PFKL: variants seen among roughly 807,000 people sequenced by gnomAD.
PFKL encodes the protein ATP-dependent 6-phosphofructokinase, liver type.
A neutral mutation model predicts 92.1 loss-of-function variants in PFKL; 74 were observed. The observed-to-expected ratio is 0.80, with a 90% CI of 0.67 to 0.97. PFKL has a LOEUF of 0.97. Among genes scored for constraint, PFKL ranks in the 50% least tolerant of loss-of-function variants. The pLI is 0.00. For synonymous variants in PFKL, 494 were observed against 456.4 expected, an observed-to-expected ratio of 1.08 and a Z score of -1.05; for missense variants, 1,028 against 1,116.6, an observed-to-expected ratio of 0.92 and a Z score of 1.13.
chr21:44,322,805 C>T (rs2047391458), intron 14 of PFKL, among the ~76,000 whole-genome samples, 157 bp from the exon 15 acceptor site: 1 of 152,174 alleles, frequency 6.6e-6, no homozygotes, highest in Non-Finnish European at 1.5e-5. Context: ...CCTGTGTGTC[C>T]CTCTCCGTGT....
intron 10 of PFKL, among the ~76,000 whole-genome samples, chr21:44,318,857 G>A (rs550123020): frequency 3.9e-5 from 6 of 152,328 alleles, no homozygotes; most frequent in African/African-American, 7.2e-5. Flanking sequence ...AGGGGTCCAC[G>A]GCCACTGAGC....
At position 44,311,091 on chromosome 21, in the gene PFKL, C is replaced by T. The variant is rs756196116; in HGVS notation, c.237+8C>T. ...TCCAACATCATCCAGCTGGTGAGGC[C>T]TGGGAACGCGGATGCATGTTGCACT... On this transcript the variant is annotated splice_region_variant and intron_variant, in intron 3 of 21. Coordinates refer to ENST00000349048, the MANE Select transcript of PFKL (RefSeq NM_002626.6). 1 of 1,610,890 alleles carries T rather than the reference C, an allele frequency of 6.2e-7. No homozygotes were observed. The highest frequency in any genetic ancestry group is 8.5e-7 in the Non-Finnish European group (1 of 1,178,088).
chr21:44,326,704 G>A lies in PFKL; in HGVS notation c.2196-11G>A, dbSNP rs775481690. The A allele has an allele frequency of 6.2e-6, 10 of 1,610,934 alleles. No individual in the cohort carries two copies. Among genetic ancestry groups the A allele is most frequent in the Admixed American group, 5.0e-5 (3 of 59,932 alleles). The stretch of plus-strand genomic sequence containing the variant: ...GACTCCCCATCATCCTCCCATCCCC[G>A]TCCTGCACAGGCACCGCATGCCACG... On this transcript the variant is annotated splice_polypyrimidine_tract_variant and intron_variant, in intron 21 of 21. Transcript: ENST00000349048.
intron 10 of PFKL, 23 bp from the exon 11 acceptor site, chr21:44,319,328 G>C (rs544614993): frequency 6.2e-7 from 1 of 1,608,010 alleles, no homozygotes; most frequent in Admixed American, 1.7e-5. Context: ...TCCATAGTCT[G>C]TGTTCTGTTT....
At position 44,313,028 on chromosome 21, in the gene PFKL, G is replaced by A. The variant is rs2047094399; in HGVS notation, c.478G>A (p.Gly160Ser). Residue 160 changes from glycine (G) to serine (S), a missense_variant, in exon 5 of 22, where the codon GGC (glycine) becomes AGC (serine). Gly to Ser is a moderately conservative substitution (Grantham distance 56). Coordinates refer to ENST00000349048, the MANE Select transcript of PFKL (RefSeq NM_002626.6). ...GACCTACTCGCACCTGAACATCGCGGGCCTAGTGGGCTCCATCGATAACGA... is the reference window on the plus strand; with the variant it reads ...GACCTACTCGCACCTGAACATCGCGAGCCTAGTGGGCTCCATCGATAACGA... ...ARTYSHLNIA[G>S]LVGSIDNDFC... 6.2e-7 allele frequency: 1 copy of A among 1,613,170 alleles called. No individual in the cohort carries two copies. The highest frequency in any genetic ancestry group is 8.5e-7 in the Non-Finnish European group (1 of 1,179,924).
chr21:44,323,054 G>C lies in PFKL; in HGVS notation c.1497+5G>C. The C allele has an allele frequency of 6.2e-7, 1 of 1,603,860 alleles. No homozygotes were observed. The highest frequency in any genetic ancestry group is 8.5e-7 in the Non-Finnish European group (1 of 1,174,512). On this transcript the variant is annotated splice_donor_5th_base_variant and intron_variant, in intron 15 of 21. Transcript: ENST00000349048. ...CTGGTGGTCGGTGGGTTTGAGGTGA[G>C]AGCTGCCCACGGACGAAAAAGCCCC...
chr21:44,319,645 T>C, intron 11 of PFKL: 1 of 581,210 alleles, frequency 1.7e-6, no homozygotes, highest in Non-Finnish European at 3.1e-6. Context: ...CACAGGGATC[T>C]GGGCATGGCG....
In PFKL at chr21:44,316,263, G is replaced by A. The variant is rs752459493; in HGVS notation, c.767G>A (p.Arg256Gln). 8 of 1,612,978 alleles carry A rather than the reference G, an allele frequency of 5.0e-6. No homozygotes were observed. The highest frequency in any genetic ancestry group is 6.8e-6 in the Non-Finnish European group (8 of 1,179,954). The stretch of plus-strand genomic sequence containing the variant: ...ACCCAGACTCGGAGCCGTGGGTCCC[G>A]ACTGAACATCATCATCATCGCTGAG... ...RLGETRSRGS[R>Q]LNIIIIAEGA... The change falls in exon 8 of 22, where the codon CGA becomes CAA. Residue 256 changes from arginine (R) to glutamine (Q), a missense_variant. Transcript: ENST00000349048.
chr21:44,305,503 C>T lies in PFKL; in HGVS notation c.86-1178C>T, dbSNP rs180970290. On this transcript the variant is annotated intron_variant, in intron 1 of 21. Transcript: ENST00000349048. ...ACGAGGCTTGGGGACAGAGGACCCG[C>T]ATGGCTTAGGGATGGATGGCATGGT... 7.0e-5 allele frequency: 82 copies of T among 1,177,324 alleles called. No individual in the cohort carries two copies. In the African/African-American group the frequency reaches 1.1e-3, roughly 16 times the overall value. The allele number at this position is 1,177,324 out of a possible 1,614,324, so 72.9% of individuals were successfully genotyped here.
rs372889831 is a variant in PFKL, at chr21:44,313,980, G to A, written c.706G>A (p.Glu236Lys). Residue 236 changes from glutamate (E) to lysine (K), a missense_variant, in exon 7 of 22, where the codon GAG becomes AAG. Transcript: ENST00000349048. ...GCTGTTCATCCCCGAGGCTCCACCC[G>A]AGGACGGCTGGGAGAACTTCATGTG... ...DWLFIPEAPP[E>K]DGWENFMCER... 1.7e-5 allele frequency: 28 copies of A among 1,608,260 alleles called. No homozygotes were observed. Among genetic ancestry groups the A allele is most frequent in the South Asian group, 2.2e-5 (2 of 90,002 alleles).
At chr21:44,317,085 A>G (rs1479510080) in intron 9 of PFKL, among the ~76,000 whole-genome samples, 1 of 152,118 alleles carries the variant, frequency 6.6e-6, no homozygotes, top group Non-Finnish European at 1.5e-5. Context: ...GGTCCTGATC[A>G]CCGCTGGGTC....
intron 7 of PFKL, chr21:44,316,020 G>T: frequency 1.7e-6 from 1 of 572,940 alleles, no homozygotes; most frequent in Non-Finnish European, 3.1e-6. Context: ...TTCGGGCAGA[G>T]CCCTCTTGTT....
At chr21:44,324,827 C>T (rs374473016) in intron 17 of PFKL, 29 bp from the exon 18 acceptor site, 20 of 1,599,828 alleles carry the variant, frequency 1.3e-5, no homozygotes, top group Admixed American at 3.5e-5. Flanking sequence ...CACAGTCCTC[C>T]GGCTCATCCG....
intron 21 of PFKL, 126 bp from the exon 22 acceptor site, chr21:44,326,589 G>C (rs947938988): frequency 8.2e-7 from 1 of 1,224,224 alleles, no homozygotes; most frequent in African/African-American, 1.5e-5. Context: ...CACGGATACC[G>C]AGATGTTCAG....
chr21:44,305,790 C>A (rs754440914), intron 1 of PFKL: 3 of 1,366,588 alleles, frequency 2.2e-6, no homozygotes, highest in Non-Finnish European at 2.9e-6. Flanking sequence ...CCGTTAATGT[C>A]CCTCTCCAGG....
intron 15 of PFKL, 139 bp from the exon 16 acceptor site, chr21:44,323,627 G>A (rs757967247): frequency 4.4e-5 from 36 of 827,508 alleles, no homozygotes; most frequent in Non-Finnish European, 6.5e-5. Flanking sequence ...AGGGGATTGA[G>A]CAGGTGGGTC....
chr21:44,312,066 C>T, intron 3 of PFKL, 39 bp from the exon 4 acceptor site: 2 of 1,389,356 alleles, frequency 1.4e-6, no homozygotes, highest in Non-Finnish European at 1.9e-6. Context: ...TGTCTGCCGC[C>T]TGCCATCTCT....
intron 1 of PFKL, 94 bp from the exon 2 acceptor site, chr21:44,306,587 A>G: frequency 9.3e-7 from 1 of 1,071,272 alleles, no homozygotes; most frequent in Non-Finnish European, 1.4e-6. Flanking sequence ...CAGGGTGTCC[A>G]GGCCTCCCCT....
intron 6 of PFKL, 24 bp from the exon 7 acceptor site, chr21:44,313,889 G>C (rs767297878): frequency 6.5e-7 from 1 of 1,545,042 alleles, no homozygotes; most frequent in South Asian, 1.2e-5. Flanking sequence ...GGGGTCCTGA[G>C]CAGGCAGGCG....
Sources: allele counts gnomAD v4.1 joint callset (sites outside exome capture counted in the v4.1 genomes callset), GRCh38; gene constraint gnomAD v4.1.1; transcripts MANE v1.5; gene names NCBI Gene and HGNC (gene_info 2026-07-23, HGNC 2026-07-21).